Variants in EYA4 observed in about 807,000 individuals in gnomAD.
EYA4 encodes the protein protein phosphatase EYA4.
EYA4 carries 31 observed loss-of-function variants against 87.9 expected under a neutral mutation model. The ratio of observed to expected loss-of-function variants is 0.35; its 90% CI spans 0.27 to 0.48. The LOEUF is 0.48. Ranked by LOEUF, EYA4 falls within the 20% of genes least tolerant of loss-of-function variation. EYA4 has a pLI of 0.99. For synonymous variants in EYA4, 263 were observed against 270.6 expected (o/e 0.97, Z 0.28); for missense variants, 678 against 761.4 (o/e 0.89, Z 1.29).
chr6:133,339,117 GTTA>G (rs1291995393), intron 2 of EYA4, among the ~76,000 whole-genome samples: 45 of 152,192 alleles, frequency 3.0e-4, no homozygotes, highest in Non-Finnish European at 5.6e-4. Flanking sequence ...CTCTACATAA[GTTA>G]TTATTGATGA....
In EYA4 at chr6:133,400,508, G is replaced by GA. The variant is rs369730015; in HGVS notation, c.83+18078dup. Among the ~76,000 whole-genome samples the GA allele has an allele frequency of 1.0e-3, 137 of 135,178 alleles. 1 individual carries two copies. The highest frequency in any genetic ancestry group is 2.3e-3 in the African/African-American group (85 of 36,852). 88.7% of individuals were successfully genotyped at this position (135,178 alleles called of 152,430 possible). On this transcript the variant is annotated intron_variant, in intron 3 of 19. Transcript: ENST00000355286. ...GGGTGACAAAGCAAGACTCTGTCTTGAAAAAAAAAAAGAAAAAAAAAATTA... is the reference window on the plus strand; with the variant it reads ...GGGTGACAAAGCAAGACTCTGTCTTGAAAAAAAAAAAAGAAAAAAAAAATTA...
intron 3 of EYA4, among the ~76,000 whole-genome samples, chr6:133,387,205 T>C (rs1456267713): frequency 1.3e-5 from 2 of 152,226 alleles, no homozygotes; most frequent in African/African-American, 4.8e-5. Context: ...ATGTTTAATG[T>C]ATTAAATTAT....
At chr6:133,285,405 A>AG (rs1289249838) in intron 2 of EYA4, among the ~76,000 whole-genome samples, 1 of 152,182 alleles carries the variant, frequency 6.6e-6, no homozygotes. Flanking sequence ...GGTAGCATGC[A>AG]GGGTAGGTTC....
chr6:133,387,906 C>G (rs1382072741), intron 3 of EYA4, among the ~76,000 whole-genome samples: 1 of 152,016 alleles, frequency 6.6e-6, no homozygotes, highest in Non-Finnish European at 1.5e-5. Context: ...TTTACCTTTT[C>G]TGGGGTGTGC....
chr6:133,530,741 A>G lies in EYA4; in HGVS notation c.*1936A>G. On this transcript the variant is annotated 3_prime_UTR_variant, in exon 20 of 20. Coordinates refer to ENST00000355286, the MANE Select transcript of EYA4 (RefSeq NM_004100.5). ...TTTTGTACAAGATTGTGATTTCATT[A>G]TCTAAACCTTAAACTTAATCCTTTA... is the stretch of plus-strand genomic sequence containing the variant. The G allele has an allele frequency of 1.0e-6, 1 of 986,178 alleles. No homozygotes were observed. The highest frequency in any genetic ancestry group is 1.2e-6 in the Non-Finnish European group (1 of 830,048). 61.1% of individuals were successfully genotyped at this position (986,178 alleles called of 1,614,324 possible).
rs192249010 is a variant in EYA4 at position 133,408,968 on chromosome 6, A to G, written c.83+26527A>G. ...AAAAAGAGTTCACCTTCCACTCACT[A>G]GACTTGATTTTGCAGACTCCCTGTT... On this transcript the variant is annotated intron_variant, in intron 3 of 19. Transcript: ENST00000355286. 4.4e-3 allele frequency among the ~76,000 whole-genome samples: 675 copies of G among 152,258 alleles called. 8 individuals are homozygous for G. Among genetic ancestry groups the G allele is most frequent in the African/African-American group, 0.016 (649 of 41,552 alleles).
intron 3 of EYA4, among the ~76,000 whole-genome samples, chr6:133,425,387 A>G (rs1790579218): frequency 1.3e-5 from 2 of 150,368 alleles, no homozygotes; most frequent in South Asian, 4.2e-4. Flanking sequence ...GTTGACCTGA[A>G]TGGAAATCAG....
intron 11 of EYA4, among the ~76,000 whole-genome samples, 159 bp from the exon 12 acceptor site, chr6:133,481,304 A>C (rs2128707076): frequency 6.6e-6 from 1 of 152,320 alleles, no homozygotes; most frequent in African/African-American, 2.4e-5. Context: ...TAAACTACAA[A>C]AGTTCTGACT....
chr6:133,494,147 A>G, intron 13 of EYA4, among the ~76,000 whole-genome samples: 1 of 152,204 alleles, frequency 6.6e-6, no homozygotes, highest in Non-Finnish European at 1.5e-5. Context: ...AGCACTTTTC[A>G]CAATAGCCAA....
intron 2 of EYA4, among the ~76,000 whole-genome samples, chr6:133,349,408 G>A (rs1783461325): frequency 6.6e-6 from 1 of 152,072 alleles, no homozygotes; most frequent in Non-Finnish European, 1.5e-5. Flanking sequence ...TTTCAGTGTT[G>A]TATACTTAAC....
chr6:133,338,092 CT>C (rs1339615973), intron 2 of EYA4, among the ~76,000 whole-genome samples: 5 of 152,202 alleles, frequency 3.3e-5, no homozygotes, highest in Middle Eastern at 3.4e-3. Flanking sequence ...AACATTCATT[CT>C]TTGTAGGAGT....
intron 1 of EYA4, among the ~76,000 whole-genome samples, chr6:133,264,345 A>C (rs1776035305): frequency 6.6e-6 from 1 of 152,236 alleles, no homozygotes. Flanking sequence ...ATTTCTTCTG[A>C]GGACAGGGTA....
chr6:133,520,910 A>C (rs10872408), intron 17 of EYA4, among the ~76,000 whole-genome samples: 1 of 146,312 alleles, frequency 6.8e-6, no homozygotes, highest in Non-Finnish European at 1.5e-5. Flanking sequence ...TGGCTAGCCA[A>C]ATGTAGAAAG....
At chr6:133,290,870 G>A (rs962809298) in intron 2 of EYA4, among the ~76,000 whole-genome samples, 1 of 152,094 alleles carries the variant, frequency 6.6e-6, no homozygotes, top group Non-Finnish European at 1.5e-5. Flanking sequence ...TTTTGTGTAA[G>A]TTTCTTAATA....
intron 2 of EYA4, among the ~76,000 whole-genome samples, chr6:133,356,871 C>T (rs911493478): frequency 1.3e-5 from 2 of 151,202 alleles, no homozygotes; most frequent in Admixed American, 6.6e-5. Flanking sequence ...GGCATGATCT[C>T]GGCTCACTGC....
At chr6:133,294,022 T>A (rs1778712661) in intron 2 of EYA4, among the ~76,000 whole-genome samples, 1 of 50,016 alleles carries the variant, frequency 2.0e-5, no homozygotes, top group Non-Finnish European at 3.6e-5. Flanking sequence ...CTAGGGTGAT[T>A]TTATATATAT....
chr6:133,424,466 G>T (rs1205664446), intron 3 of EYA4, among the ~76,000 whole-genome samples: 2 of 151,908 alleles, frequency 1.3e-5, no homozygotes, highest in African/African-American at 2.4e-5. Context: ...TGATCTTGGA[G>T]CAGGTGCCAG....
intron 1 of EYA4, among the ~76,000 whole-genome samples, chr6:133,259,229 A>G (rs557892974): frequency 6.6e-6 from 1 of 152,248 alleles, no homozygotes; most frequent in South Asian, 2.1e-4. Context: ...CTTGTTAACC[A>G]GGGGCACCGT....
chr6:133,383,009 G>T (rs1786366587), intron 3 of EYA4, among the ~76,000 whole-genome samples: 1 of 151,910 alleles, frequency 6.6e-6, no homozygotes, highest in South Asian at 2.1e-4. Context: ...ATGCCCAACA[G>T]ATTTTTTTAG....
Sources: gnomAD v4.1 joint callset for allele counts (sites outside exome capture counted in the v4.1 genomes callset) on GRCh38, gnomAD v4.1.1 for gene constraint, MANE v1.5 for transcripts, NCBI Gene and HGNC (gene_info 2026-07-23, HGNC 2026-07-21) for gene names.